Variants in CATSPERB observed in about 807,000 individuals in gnomAD.
CATSPERB encodes cation channel sperm-associated auxiliary subunit beta.
Under a neutral mutation model 128.3 loss-of-function variants are expected in CATSPERB, and 93 were observed. The ratio of observed to expected loss-of-function variants is 0.72; its 90% CI spans 0.61 to 0.86. CATSPERB has a LOEUF of 0.86. CATSPERB is among the 40% of genes least tolerant of loss of function. CATSPERB has a pLI of 0.00. For missense variants in CATSPERB, 1,153 were observed against 1,329.5 expected (o/e 0.87, Z 2.06); for synonymous variants, 381 against 448.8 (o/e 0.85, Z 1.91).
intron 22 of CATSPERB, chr14:91,603,362 A>G (rs1460127090): frequency 6.2e-7 from 1 of 1,609,538 alleles, no homozygotes; most frequent in Non-Finnish European, 8.5e-7. Context: ...GTAACTTTTT[A>G]CCTTTGCTAA....
At position 91,587,247 on chromosome 14, in the gene CATSPERB, G is replaced by T. The variant is rs753004981; in HGVS notation, c.3087C>A (p.Thr1029=). ...TACAAAAAGTTACTCCTGAAATGAC[G>T]GTCACTCTAAAGTGGAAAAGTTCAG... ...KGSELFHFRV[T]VISGVTFCNL... Residue 1029 remains threonine (T), a synonymous_variant, in exon 26 of 27, where the codon ACC becomes ACA. Coordinates refer to ENST00000256343, the MANE Select transcript of CATSPERB (RefSeq NM_024764.4). 6.2e-7 allele frequency: 1 copy of T among 1,605,472 alleles called. No individual in the cohort carries two copies. The highest frequency in any genetic ancestry group is 8.5e-7 in the Non-Finnish European group (1 of 1,176,646).
At chr14:91,645,916 C>G (rs1206044731) in intron 15 of CATSPERB, among the ~76,000 whole-genome samples, 2 of 144,668 alleles carry the variant, frequency 1.4e-5, no homozygotes, top group South Asian at 2.5e-4. Flanking sequence ...CGTGGTGCGC[C>G]ATTTTTTAAG....
intron 20 of CATSPERB, among the ~76,000 whole-genome samples, chr14:91,614,025 G>C (rs558240132): frequency 6.6e-4 from 101 of 152,286 alleles, no homozygotes; most frequent in African/African-American, 2.4e-3. Context: ...ATTCTCTTGA[G>C]CAGCCAGCTC....
chr14:91,582,952 G>A (rs1398513622), intron 26 of CATSPERB, among the ~76,000 whole-genome samples: 1 of 152,238 alleles, frequency 6.6e-6, no homozygotes, highest in Non-Finnish European at 1.5e-5. Flanking sequence ...GCTCAGGGCT[G>A]AGCAAGGCCC....
chr14:91,701,677 A>C (rs1164856619), intron 7 of CATSPERB, among the ~76,000 whole-genome samples: 1 of 152,130 alleles, frequency 6.6e-6, no homozygotes, highest in African/African-American at 2.4e-5. Context: ...ATTGGAGTAC[A>C]TGGGGCTGCT....
intron 5 of CATSPERB, among the ~76,000 whole-genome samples, chr14:91,714,277 C>CA (rs35951126): frequency 0.091 from 10,143 of 111,094 alleles, 474 homozygotes; most frequent in African/African-American, 0.17. Flanking sequence ...TACAATAAGG[C>CA]AAAAAAAAAA....
chr14:91,649,560 G>A (rs375172630), intron 15 of CATSPERB, among the ~76,000 whole-genome samples: 81 of 150,546 alleles, frequency 5.4e-4, no homozygotes, highest in African/African-American at 1.9e-3. Flanking sequence ...GCAGTGGCAC[G>A]AACTTGGCTC....
At chr14:91,712,110 AG>A (rs1282856132) in intron 5 of CATSPERB, among the ~76,000 whole-genome samples, 1 of 152,248 alleles carries the variant, frequency 6.6e-6, no homozygotes, top group Non-Finnish European at 1.5e-5. Context: ...TACTTGCAGT[AG>A]AAAAAAGAAA....
chr14:91,583,250 C>T (rs1055552405), intron 26 of CATSPERB, among the ~76,000 whole-genome samples: 2 of 152,178 alleles, frequency 1.3e-5, no homozygotes, highest in Non-Finnish European at 2.9e-5. Flanking sequence ...AACCCCATCT[C>T]TACCTAAAAT....
At chr14:91,648,508 A>G (rs1894645012) in intron 15 of CATSPERB, among the ~76,000 whole-genome samples, 1 of 152,196 alleles carries the variant, frequency 6.6e-6, no homozygotes, top group African/African-American at 2.4e-5. Flanking sequence ...TCAATTTCAA[A>G]TGTATTCTAC....
chr14:91,650,239 C>T (rs1894679979), intron 15 of CATSPERB, among the ~76,000 whole-genome samples: 1 of 152,066 alleles, frequency 6.6e-6, no homozygotes, highest in African/African-American at 2.4e-5. Context: ...ACTGAGCTTC[C>T]TAGATCATTG....
At chr14:91,582,889 G>C (rs895358567) in intron 26 of CATSPERB, among the ~76,000 whole-genome samples, 1 of 152,148 alleles carries the variant, frequency 6.6e-6, no homozygotes, top group African/African-American at 2.4e-5. Context: ...CAGGAACATG[G>C]GTACACACTA....
chr14:91,686,382 G>T (rs2139841541), intron 10 of CATSPERB, among the ~76,000 whole-genome samples: 1 of 152,256 alleles, frequency 6.6e-6, no homozygotes, highest in African/African-American at 2.4e-5. Flanking sequence ...CTTACTGAAT[G>T]AATAAATCAT....
intron 6 of CATSPERB, among the ~76,000 whole-genome samples, chr14:91,705,487 A>G (rs1365051530): frequency 2.0e-5 from 3 of 152,254 alleles, no homozygotes; most frequent in Non-Finnish European, 4.4e-5. Flanking sequence ...CCAATGCAGC[A>G]CAGGCAGAAT....
rs1893676849 is a variant in CATSPERB, at chr14:91,605,145, C to G, written c.2709+3149G>C. 5.2e-6 allele frequency: 7 copies of G among 1,335,996 alleles called. No homozygotes were observed. The South Asian group carries it at 8.2e-5, about 16-fold the overall frequency. The allele number at this position is 1,335,996 out of a possible 1,614,324, so 82.8% of individuals were successfully genotyped here. On this transcript the variant is annotated intron_variant, in intron 22 of 26. Coordinates refer to ENST00000256343, the MANE Select transcript of CATSPERB (RefSeq NM_024764.4). The stretch of plus-strand genomic sequence containing the variant: ...TCAGGGCTGTCCTAAATAAGCAGAT[C>G]CACGGAGGAAGGAAGAGGAGAGACA...
At position 91,698,229 on chromosome 14, in the gene CATSPERB, G is replaced by A. The variant is rs12435644; in HGVS notation, c.617-4750C>T. Among the ~76,000 whole-genome samples the A allele has an allele frequency of 9.3e-3, 1,414 of 152,128 alleles. 21 individuals are homozygous for A. The highest frequency in any genetic ancestry group is 0.032 in the African/African-American group (1,323 of 41,502). On this transcript the variant is annotated intron_variant, in intron 7 of 26. Transcript: ENST00000256343. ...TACTGATTTTTCTACATTGATTTTT[G>A]TATCTTGAAACTTTACTGAAATTGT...
intron 7 of CATSPERB, among the ~76,000 whole-genome samples, chr14:91,693,817 AT>A (rs886883774): frequency 9.3e-5 from 14 of 150,174 alleles, no homozygotes; most frequent in East Asian, 3.9e-4. Context: ...TAGTTTAAGG[AT>A]TTTTTTTTTG....
At chr14:91,725,732 G>T (rs1031334300) in intron 2 of CATSPERB, among the ~76,000 whole-genome samples, 1 of 152,118 alleles carries the variant, frequency 6.6e-6, no homozygotes, top group Non-Finnish European at 1.5e-5. Flanking sequence ...AAAGAGATGG[G>T]TACGTTAATG....
At chr14:91,660,110 TCTCTCTCACACA>T in intron 14 of CATSPERB, 129 bp from the exon 15 acceptor site, 3 of 600,554 alleles carry the variant, frequency 5.0e-6, no homozygotes, top group Admixed American at 3.2e-5. Context: ...TCTCTCTCTC[TCTCTCTCACACA>T]CACACACACA....
Sources: gnomAD v4.1 joint callset for allele counts (sites outside exome capture counted in the v4.1 genomes callset) on GRCh38, gnomAD v4.1.1 for gene constraint, MANE v1.5 for transcripts, NCBI Gene and HGNC (gene_info 2026-07-23, HGNC 2026-07-21) for gene names.